Variants in AIG1 observed in about 807,000 individuals in gnomAD.
AIG1 encodes the protein androgen-induced gene 1 protein.
Under a neutral mutation model 31.4 loss-of-function variants are expected in AIG1, and 23 were observed. The observed-to-expected ratio is 0.73, with a 90% CI of 0.53 to 1.04. AIG1 has a LOEUF of 1.04. Among genes scored for constraint, AIG1 ranks in the 50% least tolerant of loss-of-function variants. AIG1 has a pLI of 0.00. For missense variants in AIG1, 274 were observed against 295.0 expected, an observed-to-expected ratio of 0.93 and a Z score of 0.52; for synonymous variants, 100 against 110.5, an observed-to-expected ratio of 0.90 and a Z score of 0.60.
chr6:143,295,816 CAA>C (rs1798385968), intron 4 of AIG1, among the ~76,000 whole-genome samples: 1 of 152,124 alleles, frequency 6.6e-6, no homozygotes, highest in South Asian at 2.1e-4. Flanking sequence ...AGTCTGCCCC[CAA>C]AGTCCCCTCC....
chr6:143,233,277 A>C (rs955957126), intron 3 of AIG1, among the ~76,000 whole-genome samples: 5 of 152,138 alleles, frequency 3.3e-5, no homozygotes, highest in Admixed American at 6.5e-5. Flanking sequence ...TTTAAAACCC[A>C]AATTTTTTAA....
At chr6:143,172,192 A>G (rs1787703824) in intron 3 of AIG1, among the ~76,000 whole-genome samples, 1 of 152,026 alleles carries the variant, frequency 6.6e-6, no homozygotes, top group African/African-American at 2.4e-5. Context: ...AGTTTGATTA[A>G]GTCCCATCTA....
At chr6:143,276,880 G>C (rs559168731) in intron 3 of AIG1, among the ~76,000 whole-genome samples, 3 of 152,136 alleles carry the variant, frequency 2.0e-5, no homozygotes, top group Non-Finnish European at 4.4e-5. Flanking sequence ...TACTTCGGAT[G>C]TCATTTCTAT....
chr6:143,260,907 A>AC (rs59252728), intron 3 of AIG1, among the ~76,000 whole-genome samples: 2,090 of 151,204 alleles, frequency 0.014, 27 homozygotes, highest in African/African-American at 0.042. Context: ...ATTCCCCTTC[A>AC]CCCCCCCGCC....
Position 143,292,553 on chromosome 6 carries a change from T to C in AIG1, c.515+8328T>C, listed in dbSNP as rs1473843845. On this transcript the variant is annotated intron_variant, in intron 4 of 5. Coordinates refer to ENST00000357847, the MANE Select transcript of AIG1 (RefSeq NM_016108.4). The surrounding 1 kb of genome is among the most constrained non-coding windows in gnomAD (Gnocchi z 4.9). ...TCCCCTAGGGCTTCCAGAAAGGAACTCAGCCCTGCTGACACCTTAATTTTA... is the reference window on the plus strand; with the variant it reads ...TCCCCTAGGGCTTCCAGAAAGGAACCCAGCCCTGCTGACACCTTAATTTTA... Among the ~76,000 whole-genome samples, 1 of 151,284 alleles carries C rather than the reference T, an allele frequency of 6.6e-6. No individual in the cohort carries two copies. Among genetic ancestry groups the C allele is most frequent in the Non-Finnish European group, 1.5e-5 (1 of 68,030 alleles).
intron 1 of AIG1, among the ~76,000 whole-genome samples, chr6:143,100,360 C>A (rs1283676523): frequency 6.6e-6 from 1 of 152,086 alleles, no homozygotes; most frequent in East Asian, 1.9e-4. Context: ...TAAAAATATT[C>A]TTTTGATTTC....
At chr6:143,235,040 T>A (rs992354455) in intron 3 of AIG1, among the ~76,000 whole-genome samples, 2 of 152,198 alleles carry the variant, frequency 1.3e-5, no homozygotes, top group African/African-American at 4.8e-5. Flanking sequence ...CATGTATTTA[T>A]TCATTCATTC....
chr6:143,061,154 G>T, intron 1 of AIG1, 88 bp downstream of exon 1: 8 of 1,482,776 alleles, frequency 5.4e-6, no homozygotes, highest in Non-Finnish European at 7.5e-6. Context: ...GTGTGGATGC[G>T]CGAGCACCTG....
chr6:143,064,744 A>C (rs1411148614), intron 1 of AIG1, among the ~76,000 whole-genome samples: 1 of 152,232 alleles, frequency 6.6e-6, no homozygotes, highest in Non-Finnish European at 1.5e-5. Flanking sequence ...TCATCCATGA[A>C]ATTATGTGGA....
At chr6:143,213,645 T>A (rs1046606081) in intron 3 of AIG1, among the ~76,000 whole-genome samples, 3 of 150,736 alleles carry the variant, frequency 2.0e-5, no homozygotes, top group Non-Finnish European at 4.4e-5. Flanking sequence ...GCCTCCCAAG[T>A]AGCTGAGATT....
At chr6:143,321,201 C>G (rs907169108) in intron 4 of AIG1, among the ~76,000 whole-genome samples, 1 of 152,112 alleles carries the variant, frequency 6.6e-6, no homozygotes, top group African/African-American at 2.4e-5. Context: ...GTTTATGGCA[C>G]TGTTTATGGT....
Position 143,291,764 on chromosome 6 carries a change from C to T in AIG1, c.515+7539C>T, listed in dbSNP as rs1171422025. Among the ~76,000 whole-genome samples the T allele has an allele frequency of 6.6e-5, 10 of 152,144 alleles. No homozygotes were observed. The highest frequency in any genetic ancestry group is 6.2e-4 in the South Asian group (3 of 4,822). ...GCTGTGTTCAAGGAAAGCAGAAGGCCACTGTGTGTTGAAGCAGAGTGAGGG... is the reference window on the plus strand; with the variant it reads ...GCTGTGTTCAAGGAAAGCAGAAGGCTACTGTGTGTTGAAGCAGAGTGAGGG... On this transcript the variant is annotated intron_variant, in intron 4 of 5. Coordinates refer to ENST00000357847, the MANE Select transcript of AIG1 (RefSeq NM_016108.4). The surrounding 1 kb of genome is among the most constrained non-coding windows in gnomAD (Gnocchi z 4.2).
chr6:143,304,929 T>G (rs1347563880), intron 4 of AIG1, among the ~76,000 whole-genome samples: 1 of 152,202 alleles, frequency 6.6e-6, no homozygotes, highest in Non-Finnish European at 1.5e-5. Context: ...ATTCAGAGAT[T>G]CAACTTCTTC....
chr6:143,154,588 G>C (rs1001563180), intron 2 of AIG1, among the ~76,000 whole-genome samples: 1 of 152,182 alleles, frequency 6.6e-6, no homozygotes, highest in Non-Finnish European at 1.5e-5. Context: ...ATCTCGAGCA[G>C]GCAGTCGTGA....
intron 1 of AIG1, among the ~76,000 whole-genome samples, chr6:143,123,502 C>G (rs1325443658): frequency 6.6e-6 from 1 of 151,770 alleles, no homozygotes; most frequent in Non-Finnish European, 1.5e-5. Flanking sequence ...ATTGTTGTTT[C>G]TTTCATTTCT....
chr6:143,122,564 T>C (rs1782329310), intron 1 of AIG1, among the ~76,000 whole-genome samples: 1 of 152,230 alleles, frequency 6.6e-6, no homozygotes, highest in Non-Finnish European at 1.5e-5. Context: ...TTGATAGATT[T>C]ATAAAATCTC....
intron 1 of AIG1, among the ~76,000 whole-genome samples, chr6:143,092,279 A>ATTTTTTTTTT (rs760340815): frequency 8.5e-6 from 1 of 117,684 alleles, no homozygotes; most frequent in Non-Finnish European, 1.8e-5. Context: ...TAATTTTTTG[A>ATTTTTTTTTT]TTTTTTTTTT....
intron 4 of AIG1, among the ~76,000 whole-genome samples, chr6:143,300,553 C>G (rs1014011428): frequency 4.6e-5 from 7 of 152,126 alleles, no homozygotes; most frequent in Non-Finnish European, 1.0e-4. Flanking sequence ...GTGTAAGTCC[C>G]TTTTCAAAAG....
chr6:143,120,612 A>G (rs890059209), intron 1 of AIG1, among the ~76,000 whole-genome samples: 2 of 152,180 alleles, frequency 1.3e-5, no homozygotes, highest in Non-Finnish European at 2.9e-5. Flanking sequence ...CCATGATTCA[A>G]TTACGTTCCA....
Sources: allele counts gnomAD v4.1 joint callset (sites outside exome capture counted in the v4.1 genomes callset), GRCh38; gene constraint gnomAD v4.1.1; non-coding constraint Gnocchi (gnomAD v3.1); transcripts MANE v1.5; gene names NCBI Gene and HGNC (gene_info 2026-07-23, HGNC 2026-07-21).